Variants in CFAP77 observed in about 807,000 individuals in gnomAD.
CFAP77 encodes the protein cilia and flagella associated protein 77.
A neutral mutation model predicts 31.1 loss-of-function variants in CFAP77; 25 were observed. That is an observed-to-expected ratio of 0.80 (90% confidence interval 0.59 to 1.12). The LOEUF is 1.12. Among genes scored for constraint, CFAP77 ranks in the 50% most tolerant of loss-of-function variants. The probability of loss-of-function intolerance (pLI) is 0.00; values close to 1 mark genes in which losing one functional copy is unlikely to be tolerated. For missense variants in CFAP77, 377 were observed against 397.3 expected, an observed-to-expected ratio of 0.95 and a Z score of 0.44; for synonymous variants, 151 against 159.9, an observed-to-expected ratio of 0.94 and a Z score of 0.42.
intron 4 of CFAP77, among the ~76,000 whole-genome samples, chr9:132,538,101 A>C (rs538925276): frequency 1.3e-5 from 2 of 152,366 alleles, no homozygotes; most frequent in East Asian, 3.9e-4. Flanking sequence ...CAATCTATAG[A>C]GAAAAGGCCA....
rs533082865 is a variant in CFAP77, at chr9:132,429,641, A to G, written c.195+19175A>G. On this transcript the variant is annotated intron_variant, in intron 1 of 5. Coordinates refer to ENST00000393216, the MANE Select transcript of CFAP77 (RefSeq NM_001282957.2). ...GGGTGGATCACAAGGTCAGGAGATCAAGACCATCCTGGCTAACACGGCGAA... is the reference window on the plus strand; with the variant it reads ...GGGTGGATCACAAGGTCAGGAGATCGAGACCATCCTGGCTAACACGGCGAA... 7.9e-5 allele frequency among the ~76,000 whole-genome samples: 12 copies of G among 151,034 alleles called. No homozygotes were observed. In the East Asian group the frequency reaches 1.8e-3, roughly 22 times the overall value.
intron 1 of CFAP77, among the ~76,000 whole-genome samples, chr9:132,453,383 G>C: frequency 6.6e-6 from 1 of 150,834 alleles, no homozygotes; most frequent in East Asian, 1.9e-4. Context: ...AAAATTAGCT[G>C]GGCAAGACGG....
At chr9:132,427,754 C>T (rs1211272957) in intron 1 of CFAP77, among the ~76,000 whole-genome samples, 2 of 152,208 alleles carry the variant, frequency 1.3e-5, no homozygotes, top group Non-Finnish European at 2.9e-5. Flanking sequence ...TCATTATGTT[C>T]CCATGACATT....
chr9:132,447,771 C>T (rs1408820852), intron 1 of CFAP77, among the ~76,000 whole-genome samples: 2 of 152,178 alleles, frequency 1.3e-5, no homozygotes, highest in Non-Finnish European at 2.9e-5. Context: ...GTAGAACATA[C>T]CAGAAAATTG....
Position 132,497,394 on chromosome 9 carries a change from C to G in CFAP77, c.196-1301C>G, listed in dbSNP as rs986657677. ...ACCCTCTGGACAGTCTTTGGCGCAG[C>G]CAGAGTGGAGAGATCCCGGGAAATG... On this transcript the variant is annotated intron_variant, in intron 1 of 5. Transcript: ENST00000393216. This position sits in a 1 kb window ranked among gnomAD's most constrained non-coding sequence, Gnocchi z 4.9. Among the ~76,000 whole-genome samples the G allele has an allele frequency of 1.3e-5, 2 of 152,218 alleles. No homozygotes were observed. The highest frequency in any genetic ancestry group is 4.8e-5 in the African/African-American group (2 of 41,460).
At chr9:132,472,481 G>A (rs1429749203) in intron 1 of CFAP77, among the ~76,000 whole-genome samples, 1 of 152,234 alleles carries the variant, frequency 6.6e-6, no homozygotes, top group Non-Finnish European at 1.5e-5. Context: ...CGTTGGCCAG[G>A]TGCATTGGCT....
chr9:132,570,749 GC>G (rs1829947547), intron 5 of CFAP77, among the ~76,000 whole-genome samples: 1 of 152,180 alleles, frequency 6.6e-6, no homozygotes, highest in Non-Finnish European at 1.5e-5. Flanking sequence ...ACGCTCCACA[GC>G]CCCCTGCCTT....
chr9:132,534,394 C>G (rs568485125), intron 3 of CFAP77, among the ~76,000 whole-genome samples: 30 of 152,046 alleles, frequency 2.0e-4, no homozygotes, highest in African/African-American at 7.2e-4. Flanking sequence ...GGGTGGATCA[C>G]GAGGTCAGGA....
chr9:132,519,693 T>G (rs1852229935), intron 3 of CFAP77, among the ~76,000 whole-genome samples: 1 of 74,086 alleles, frequency 1.3e-5, no homozygotes, highest in Non-Finnish European at 2.6e-5. Flanking sequence ...AGTGGGTGGG[T>G]GGATGGGTGG....
intron 3 of CFAP77, among the ~76,000 whole-genome samples, chr9:132,516,206 A>T (rs994758859): frequency 6.6e-6 from 1 of 152,160 alleles, no homozygotes; most frequent in African/African-American, 2.4e-5. Flanking sequence ...TCTGATTTTT[A>T]AAAAAATATA....
At chr9:132,525,022 ATTT>A (rs77344020) in intron 3 of CFAP77, among the ~76,000 whole-genome samples, 3 of 133,990 alleles carry the variant, frequency 2.2e-5, no homozygotes, top group Non-Finnish European at 3.3e-5. Context: ...TGTGATAGTA[ATTT>A]TTTTTTTTTT....
At chr9:132,414,139 A>T (rs1850057768) in intron 1 of CFAP77, among the ~76,000 whole-genome samples, 1 of 152,260 alleles carries the variant, frequency 6.6e-6, no homozygotes, top group South Asian at 2.1e-4. Context: ...GATTGGTGAC[A>T]TCATGTATAG....
chr9:132,464,714 A>C (rs1481139567), intron 1 of CFAP77, among the ~76,000 whole-genome samples: 3 of 152,106 alleles, frequency 2.0e-5, no homozygotes, highest in African/African-American at 7.2e-5. Flanking sequence ...GCCGTGTTTC[A>C]AGTGCTTAGT....
intron 1 of CFAP77, chr9:132,482,306 G>T: frequency 6.2e-7 from 1 of 1,610,492 alleles, no homozygotes; most frequent in Non-Finnish European, 8.5e-7. Context: ...CATTTCTTTC[G>T]TAGGCTGCCG....
chr9:132,429,646 CA>C (rs1337258295), intron 1 of CFAP77, among the ~76,000 whole-genome samples: 2 of 149,144 alleles, frequency 1.3e-5, no homozygotes, highest in Non-Finnish European at 3.0e-5. Flanking sequence ...AGATCAAGAC[CA>C]TCCTGGCTAA....
At position 132,490,230 on chromosome 9, in the gene CFAP77, G is replaced by T. The variant is rs1207343221; in HGVS notation, c.196-8465G>T. ...CCTCATGACTCAACCACCCCCTAAA[G>T]GCCACACCCCTGAATACTGTTGCAT... On this transcript the variant is annotated intron_variant, in intron 1 of 5. Coordinates refer to ENST00000393216, the MANE Select transcript of CFAP77 (RefSeq NM_001282957.2). This position sits in a 1 kb window ranked among gnomAD's most constrained non-coding sequence, Gnocchi z 4.6. Among the ~76,000 whole-genome samples, 1 of 152,126 alleles carries T rather than the reference G, an allele frequency of 6.6e-6. No homozygotes were observed. Among genetic ancestry groups the T allele is most frequent in the African/African-American group, 2.4e-5 (1 of 41,430 alleles).
At chr9:132,470,185 G>A (rs1007233995) in intron 1 of CFAP77, among the ~76,000 whole-genome samples, 20 of 152,102 alleles carry the variant, frequency 1.3e-4, no homozygotes, top group African/African-American at 4.3e-4. Flanking sequence ...AGCCATCTCC[G>A]TGTGCAGCAA....
At chr9:132,541,530 C>T (rs1852641258) in intron 4 of CFAP77, among the ~76,000 whole-genome samples, 1 of 152,194 alleles carries the variant, frequency 6.6e-6, no homozygotes, top group Non-Finnish European at 1.5e-5. Flanking sequence ...TTGAGACCAG[C>T]CTGGCCAACA....
At position 132,497,082 on chromosome 9, in the gene CFAP77, A is replaced by G. The variant is rs1351792691; in HGVS notation, c.196-1613A>G. Among the ~76,000 whole-genome samples, 1 of 148,542 alleles carries G rather than the reference A, an allele frequency of 6.7e-6. No individual in the cohort carries two copies. The highest frequency in any genetic ancestry group is 2.6e-5 in the African/African-American group (1 of 39,084). The stretch of plus-strand genomic sequence containing the variant: ...GTGGGCCTTGAGCAAAGAGCAATGG[A>G]GGTGGCTGGGATGCCTGCGATCCTT... On this transcript the variant is annotated intron_variant, in intron 1 of 5. Transcript: ENST00000393216. This position sits in a 1 kb window ranked among gnomAD's most constrained non-coding sequence, Gnocchi z 4.9.
Sources: gnomAD v4.1 joint callset for allele counts (sites outside exome capture counted in the v4.1 genomes callset) on GRCh38, gnomAD v4.1.1 for gene constraint, Gnocchi (gnomAD v3.1) non-coding constraint, MANE v1.5 for transcripts, NCBI Gene and HGNC (gene_info 2026-07-23, HGNC 2026-07-21) for gene names.